The following MCMBP variants were observed in gnomAD, a reference collection of about 807,000 sequenced individuals.
The protein encoded by MCMBP is mini-chromosome maintenance complex-binding protein.
MCMBP carries 31 observed loss-of-function variants against 81.3 expected under a neutral mutation model. The ratio of observed to expected loss-of-function variants is 0.38; its 90% CI spans 0.29 to 0.51. The LOEUF (loss-of-function observed/expected upper bound fraction) is 0.51. Ranked by LOEUF, MCMBP falls within the 20% of genes least tolerant of loss-of-function variation. The probability of loss-of-function intolerance (pLI) is 0.87; values close to 1 mark genes in which losing one functional copy is unlikely to be tolerated. For synonymous variants in MCMBP, 267 were observed against 275.9 expected (o/e 0.97, Z 0.32); for missense variants, 645 against 772.1 (o/e 0.84, Z 1.95).
chr10:119,836,872 C>T, intron 13 of MCMBP, 24 bp downstream of exon 13: 3 of 1,534,698 alleles, frequency 2.0e-6, no homozygotes, highest in Non-Finnish European at 2.7e-6. Flanking sequence ...CAACCTCCCT[C>T]CATTTAAAAA....
Position 119,844,754 on chromosome 10 carries a change from T to C in MCMBP, c.828-1328A>G, listed in dbSNP as rs534920036. Among the ~76,000 whole-genome samples the C allele has an allele frequency of 1.2e-4, 18 of 152,208 alleles. No homozygotes were observed. The East Asian group carries it at 2.7e-3, about 23-fold the overall frequency. On this transcript the variant is annotated intron_variant, in intron 8 of 15. Coordinates refer to ENST00000369077, the MANE Select transcript of MCMBP (RefSeq NM_001256378.2). ...TCAGCTGCCAGCATAAAGGCAGGCA[T>C]GTAAAGAGCAGACTGGCTGAGTCTT...
chr10:119,839,767 T>C (rs1045087109), intron 11 of MCMBP, among the ~76,000 whole-genome samples: 1 of 152,158 alleles, frequency 6.6e-6, no homozygotes, highest in South Asian at 2.1e-4. Flanking sequence ...TTTAAGAAAA[T>C]CTCATGTGGA....
chr10:119,866,392 G>A (rs1033793992), intron 1 of MCMBP, among the ~76,000 whole-genome samples: 2 of 152,210 alleles, frequency 1.3e-5, no homozygotes, highest in Non-Finnish European at 2.9e-5. Context: ...TTGGGAGGCC[G>A]AGGCGTGTGG....
intron 9 of MCMBP, 60 bp from the exon 10 acceptor site, chr10:119,842,655 A>T: frequency 6.4e-7 from 1 of 1,557,122 alleles, no homozygotes; most frequent in Non-Finnish European, 8.7e-7. Context: ...CAAGTGTCTT[A>T]GGTAAAAAAA....
In MCMBP at chr10:119,858,891, T is replaced by C. The variant is rs762684500; in HGVS notation, c.320A>G (p.Glu107Gly). 1 of 1,608,718 alleles carries C rather than the reference T, an allele frequency of 6.2e-7. No homozygotes were observed. Among genetic ancestry groups the C allele is most frequent in the Admixed American group, 1.7e-5 (1 of 59,546 alleles). Reference protein sequence around the residue: ...LHFGKYRDVAECGPQQELDLN... With the variant: ...LHFGKYRDVAGCGPQQELDLN... ...TATATTAAAGATACATACCCCACAC[T>C]CTGCTACATCTCTATATTTTCCAAA... The change falls in exon 4 of 16, where the codon GAG becomes GGG. Residue 107 changes from glutamate to glycine, a missense_variant. By Grantham distance (98) the Glu-to-Gly change is moderately conservative. Coordinates refer to ENST00000369077, the MANE Select transcript of MCMBP (RefSeq NM_001256378.2).
At chr10:119,852,152 C>CAAAAA (rs34142128) in intron 6 of MCMBP, among the ~76,000 whole-genome samples, 13 of 53,092 alleles carry the variant, frequency 2.4e-4, no homozygotes, top group African/African-American at 9.0e-4. Flanking sequence ...AACTCTGTCT[C>CAAAAA]AAAAAAAAAA....
intron 4 of MCMBP, 87 bp from the exon 5 acceptor site, chr10:119,857,526 A>AT: frequency 1.4e-6 from 1 of 692,452 alleles, no homozygotes; most frequent in Non-Finnish European, 2.4e-6. Context: ...TTTTCACATT[A>AT]TAACACCACA....
chr10:119,835,493 T>C, intron 14 of MCMBP, 47 bp downstream of exon 14: 3 of 1,513,478 alleles, frequency 2.0e-6, no homozygotes, highest in Non-Finnish European at 2.7e-6. Flanking sequence ...ATTGGTTGCA[T>C]ACTGCAATTC....
In MCMBP at chr10:119,843,369, T is replaced by C. The variant is rs35484984; in HGVS notation, c.885A>G (p.Arg295=). The change falls in exon 9 of 16, where the codon AGA becomes AGG. Residue 295 remains arginine, a synonymous_variant. Coordinates refer to ENST00000369077, the MANE Select transcript of MCMBP (RefSeq NM_001256378.2). The stretch of plus-strand genomic sequence containing the variant: ...CTAATGAAGCAGGAGGACTGTGTAC[T>C]CTCTGCTCCTCTGCTGTGTCTGTGC... ...MECTDTAEEQ[R]VHSPPASLVP... is the part of the protein sequence containing the mutation. 3,731 of 1,614,076 alleles carry C rather than the reference T, an allele frequency of 2.3e-3. 69 individuals carry two copies. The African/African-American group carries it at 0.044, about 19-fold the overall frequency.
At chr10:119,849,788 T>G (rs1314562857) in intron 6 of MCMBP, among the ~76,000 whole-genome samples, 2 of 152,128 alleles carry the variant, frequency 1.3e-5, no homozygotes, top group African/African-American at 4.8e-5. Flanking sequence ...TCTAAAAATT[T>G]TACTTTTTTT....
chr10:119,842,984 CT>C (rs1176385959), intron 9 of MCMBP: 4 of 409,284 alleles, frequency 9.8e-6, no homozygotes, highest in Non-Finnish European at 1.8e-5. Flanking sequence ...AACTCCTGAC[CT>C]CAGGTGATCC....
intron 2 of MCMBP, 88 bp downstream of exon 2, chr10:119,859,711 A>G: frequency 1.3e-6 from 1 of 787,248 alleles, no homozygotes; most frequent in Non-Finnish European, 2.0e-6. Context: ...ACATATTTTT[A>G]AATTACATGT....
intron 1 of MCMBP, among the ~76,000 whole-genome samples, chr10:119,860,278 C>T (rs2134393487): frequency 6.6e-6 from 1 of 152,316 alleles, no homozygotes; most frequent in Admixed American, 6.5e-5. Flanking sequence ...ATCTTTACAA[C>T]TATCCTGAAA....
At chr10:119,838,296 G>T (rs1589777458) in intron 12 of MCMBP, among the ~76,000 whole-genome samples, 2 of 145,116 alleles carry the variant, frequency 1.4e-5, no homozygotes, top group Admixed American at 6.8e-5. Context: ...TATTATATAA[G>T]ATATATTATA....
In MCMBP at chr10:119,843,247, C is replaced by A. The variant is rs924758483; in HGVS notation, c.1000+7G>T. ...ATAGTTGACTAGGCTGTAACACTTA[C>A]ACTTACAGGTTTTGCTCTCCTCTTT... On this transcript the variant is annotated splice_region_variant and intron_variant, in intron 9 of 15. Coordinates refer to ENST00000369077, the MANE Select transcript of MCMBP (RefSeq NM_001256378.2). 2.5e-6 allele frequency: 4 copies of A among 1,613,232 alleles called. No individual in the cohort carries two copies. The highest frequency in any genetic ancestry group is 3.4e-6 in the Non-Finnish European group (4 of 1,179,420).
At chr10:119,852,704 A>C (rs1323616873) in intron 6 of MCMBP, among the ~76,000 whole-genome samples, 2 of 152,224 alleles carry the variant, frequency 1.3e-5, no homozygotes, top group Non-Finnish European at 2.9e-5. Flanking sequence ...AAGAAAATTA[A>C]AAAGAAAATG....
At position 119,853,005 on chromosome 10, in the gene MCMBP, C is replaced by T. The variant is rs563359770; in HGVS notation, c.574+45G>A. 158 of 1,608,192 alleles carry T rather than the reference C, an allele frequency of 9.8e-5. 1 individual carries two copies. In the South Asian group the frequency reaches 1.5e-3, roughly 16 times the overall value. On this transcript the variant is annotated intron_variant, in intron 6 of 15. Coordinates refer to ENST00000369077, the MANE Select transcript of MCMBP (RefSeq NM_001256378.2). The stretch of plus-strand genomic sequence containing the variant: ...ACAATTCACTCTGAAAACCAATCTA[C>T]TGTAAGAGAGCAAAGTCTAGAGAAA...
intron 1 of MCMBP, among the ~76,000 whole-genome samples, chr10:119,866,258 T>C (rs1853449775): frequency 6.6e-6 from 1 of 152,196 alleles, no homozygotes; most frequent in African/African-American, 2.4e-5. Flanking sequence ...GAAGTATAGT[T>C]GTTGCCAGAG....
intron 9 of MCMBP, chr10:119,842,818 G>A (rs1852481676): frequency 4.6e-6 from 2 of 432,858 alleles, no homozygotes; most frequent in Non-Finnish European, 4.2e-6. Flanking sequence ...AGCCTGGAGT[G>A]CAATGGTGCC....
Sources: gnomAD v4.1 joint callset for allele counts (sites outside exome capture counted in the v4.1 genomes callset) on GRCh38, gnomAD v4.1.1 for gene constraint, MANE v1.5 for transcripts, NCBI Gene and HGNC (gene_info 2026-07-23, HGNC 2026-07-21) for gene names.